AGRN: variants seen among roughly 807,000 people sequenced by gnomAD.
AGRN encodes the protein agrin proteoglycan.
Under a neutral mutation model 211.0 loss-of-function variants are expected in AGRN, and 106 were observed. That is an observed-to-expected ratio of 0.50 (90% CI 0.43 to 0.59). The LOEUF (loss-of-function observed/expected upper bound fraction) is 0.59. Among genes scored for constraint, AGRN ranks in the 20% least tolerant of loss-of-function variants. AGRN has a pLI of 0.00. For synonymous variants in AGRN, 1,525 were observed against 1,332.5 expected (o/e 1.14, Z -3.15); for missense variants, 3,040 against 2,982.6 (o/e 1.02, Z -0.45).
intron 2 of AGRN, among the ~76,000 whole-genome samples, chr1:1,033,684 G>GC (rs1644727193): frequency 1.4e-5 from 1 of 72,888 alleles, no homozygotes; most frequent in African/African-American, 5.4e-5. Flanking sequence ...CAGCCTCAGC[G>GC]CCCCCAGGCC....
At chr1:1,035,909 C>T (rs540694406) in intron 3 of AGRN, among the ~76,000 whole-genome samples, 1 of 152,202 alleles carries the variant, frequency 6.6e-6, no homozygotes, top group African/African-American at 2.4e-5. Flanking sequence ...CCTGTCCTCC[C>T]CGGGGTGCTC....
In AGRN at chr1:1,037,482, C is replaced by T. The variant is rs576447828; in HGVS notation, c.511+2158C>T. 2.6e-5 allele frequency among the ~76,000 whole-genome samples: 4 copies of T among 152,318 alleles called. No homozygotes were observed. The East Asian group carries it at 5.8e-4, about 22-fold the overall frequency. ...GGCATCCTCTCCATCCCCCAGCCTA[C>T]CCAGGACCAGGAAGGGAGTTAAATA... On this transcript the variant is annotated intron_variant, in intron 3 of 35. Coordinates refer to ENST00000379370, the MANE Select transcript of AGRN (RefSeq NM_198576.4).
In AGRN at chr1:1,051,964, C is replaced by T. The variant is rs754294116; in HGVS notation, c.5651+149C>T. On this transcript the variant is annotated intron_variant, in intron 33 of 35. Coordinates refer to ENST00000379370, the MANE Select transcript of AGRN (RefSeq NM_198576.4). ...CTCTCTCACCTCCCGGTCCTCCCGC[C>T]TCTCACTGTCTGTCTCTTTGTTTCC... 1.2e-4 allele frequency: 191 copies of T among 1,547,564 alleles called. No homozygotes were observed. The Middle Eastern group carries it at 2.0e-3, about 16-fold the overall frequency.
chr1:1,023,247 G>A (rs778675605), intron 2 of AGRN, among the ~76,000 whole-genome samples: 3 of 152,180 alleles, frequency 2.0e-5, no homozygotes, highest in South Asian at 2.1e-4. Flanking sequence ...TCCGTTGGCC[G>A]GCAGGAAACT....
chr1:1,053,059 G>A lies in AGRN; in HGVS notation c.5652-694G>A, dbSNP rs1359863581. On this transcript the variant is annotated intron_variant, in intron 33 of 35. Coordinates refer to ENST00000379370, the MANE Select transcript of AGRN (RefSeq NM_198576.4). ...GAGGGGTGTGTGTGTCCGTGTGTAG[G>A]TTTGCGTGCATGCACACATGCATGT... is the stretch of plus-strand genomic sequence containing the variant. 6 of 204,266 alleles carry A rather than the reference G, an allele frequency of 2.9e-5. No homozygotes were observed. In the South Asian group the frequency reaches 3.8e-4, roughly 13 times the overall value. The allele number at this position is 204,266 out of a possible 1,614,324, so 12.7% of individuals were successfully genotyped here.
chr1:1,051,663 C>T lies in AGRN; in HGVS notation c.5563+18C>T. ...CGAGAAGGGTGAGCCTGGCACAGGG[C>T]AGGGGGCGGAGGCCGGATGGGCCCG... is the stretch of plus-strand genomic sequence containing the variant. On this transcript the variant is annotated intron_variant, in intron 32 of 35. Transcript: ENST00000379370. The T allele has an allele frequency of 6.2e-7, 1 of 1,612,738 alleles. No individual in the cohort carries two copies. The highest frequency in any genetic ancestry group is 8.5e-7 in the Non-Finnish European group (1 of 1,179,844).
At chr1:1,022,489 G>A in intron 2 of AGRN, 27 bp downstream of exon 2, 2 of 1,587,250 alleles carry the variant, frequency 1.3e-6, no homozygotes, top group Admixed American at 1.7e-5. Flanking sequence ...TCGTGTGGGG[G>A]CCTGTGGGGG....
At position 1,051,380 on chromosome 1, in the gene AGRN, G is replaced by A. The variant is rs373058941; in HGVS notation, c.5370+11G>A. The A allele has an allele frequency of 1.4e-3, 2,237 of 1,557,644 alleles. 3 individuals carry two copies. Among genetic ancestry groups the A allele is most frequent in the Non-Finnish European group, 1.8e-3 (2,057 of 1,153,018 alleles). On this transcript the variant is annotated intron_variant, in intron 31 of 35. Transcript: ENST00000379370. ...GGTGCCATCCAGCTGGTATGTGGGGGCGGGGCGTCCCAGCAGGGCCTCCGG... is the reference window on the plus strand; with the variant it reads ...GGTGCCATCCAGCTGGTATGTGGGGACGGGGCGTCCCAGCAGGGCCTCCGG...
At chr1:1,047,728 T>TG (rs1356351416) in intron 21 of AGRN, 41 bp downstream of exon 21, 1 of 1,612,318 alleles carries the variant, frequency 6.2e-7, no homozygotes, top group African/African-American at 1.3e-5. Flanking sequence ...AGGCAATGGG[T>TG]GGGGGATGCC....
In AGRN at chr1:1,045,352, C is replaced by T. The variant is rs1384767916; in HGVS notation, c.2372-7C>T. On this transcript the variant is annotated splice_region_variant and splice_polypyrimidine_tract_variant and intron_variant, in intron 13 of 35. Transcript: ENST00000379370. The stretch of plus-strand genomic sequence containing the variant: ...CCACGTGACCTTGTCCTGCCCTGGC[C>T]TTTCAGGTGCCTGCCAGTGCAACCC... 4.3e-6 allele frequency: 7 copies of T among 1,611,792 alleles called. 1 individual carries two copies. The highest frequency in any genetic ancestry group is 1.3e-5 in the African/African-American group (1 of 75,064).
chr1:1,048,188 C>A lies in AGRN; in HGVS notation c.3928C>A (p.Pro1310Thr), dbSNP rs759035613. ...KTTAAPTTRR[P>T]PTTAPSRVPG... ...CACGGCAGCCCCCACCACACGTCGG[C>A]CCCCCACCACTGCCCCCAGCCGTGT... The change falls in exon 23 of 36, where the codon CCC becomes ACC. Residue 1310 changes from proline (P) to threonine (T), a missense_variant. By Grantham distance (38) the Pro-to-Thr change is conservative. Coordinates refer to ENST00000379370, the MANE Select transcript of AGRN (RefSeq NM_198576.4). The surrounding 1 kb of genome is among the most constrained non-coding windows in gnomAD (Gnocchi z 5.9). 1.9e-6 allele frequency: 3 copies of A among 1,567,516 alleles called. No homozygotes were observed. The highest frequency in any genetic ancestry group is 2.6e-6 in the Non-Finnish European group (3 of 1,160,464).
chr1:1,043,425 G>A lies in AGRN; in HGVS notation c.1571G>A (p.Arg524Gln), dbSNP rs759469134. The change falls in exon 8 of 36, where the codon CGG becomes CAG. Residue 524 changes from arginine (R) to glutamine (Q), a missense_variant. This residue lies in a region of AGRN where 1,498 missense variants were observed against 1,457.8 expected (regional missense o/e 1.03). Transcript: ENST00000379370. The stretch of plus-strand genomic sequence containing the variant: ...GAGGCCACGGCCTGTACCCTCGGGC[G>A]GGAGATCCAGGTGGCGCGCAAAGGA... The part of the protein sequence containing the change: ...ELEATACTLG[R>Q]EIQVARKGPC... 15 of 1,607,074 alleles carry A rather than the reference G, an allele frequency of 9.3e-6. No homozygotes were observed. The highest frequency in any genetic ancestry group is 3.3e-5 in the South Asian group (3 of 90,618).
chr1:1,043,502 G>A (rs756633621), intron 8 of AGRN, 36 bp from the exon 9 acceptor site: 2 of 1,602,050 alleles, frequency 1.2e-6, no homozygotes, highest in South Asian at 1.1e-5. Context: ...GGAGAGAGAG[G>A]TTCCTGGTCG....
chr1:1,035,381 G>T, intron 3 of AGRN, 57 bp downstream of exon 3: 1 of 1,599,842 alleles, frequency 6.3e-7, no homozygotes, highest in Non-Finnish European at 8.6e-7. Context: ...TGGGAGTCAG[G>T]GGCCATTTGG....
At position 1,053,656 on chromosome 1, in the gene AGRN, T is replaced by C. The variant is rs376491084; in HGVS notation, c.5652-97T>C. 5.7e-5 allele frequency: 86 copies of C among 1,495,846 alleles called. No individual in the cohort carries two copies. In the East Asian group the frequency reaches 1.7e-3, roughly 30 times the overall value. The allele number at this position is 1,495,846 out of a possible 1,614,324, so 92.7% of individuals were successfully genotyped here. On this transcript the variant is annotated intron_variant, in intron 33 of 35. Coordinates refer to ENST00000379370, the MANE Select transcript of AGRN (RefSeq NM_198576.4). ...CCACCCCTGGGTCCCGTCACAGCCC[T>C]TGTGGCCTCCGCAGCTGGGGCCCTT... is the stretch of plus-strand genomic sequence containing the variant.
At chr1:1,024,837 G>T (rs1363892076) in intron 2 of AGRN, among the ~76,000 whole-genome samples, 3 of 152,208 alleles carry the variant, frequency 2.0e-5, no homozygotes, top group Non-Finnish European at 4.4e-5. Flanking sequence ...AGACAGGTAT[G>T]TGTCCCTCCC....
chr1:1,045,591 T>G, intron 14 of AGRN, 68 bp downstream of exon 14: 2 of 1,604,890 alleles, frequency 1.2e-6, no homozygotes, highest in South Asian at 1.1e-5. Flanking sequence ...ATCACTGTGC[T>G]TCTCCTCACC....
Position 1,042,099 on chromosome 1 carries a change from T to TGGCGGCAGCAGGCTGAGTGCC in AGRN, c.1325_1345dup (p.Arg442_Arg448dup). On this transcript the variant is annotated inframe_insertion, in exon 7 of 36. Coordinates refer to ENST00000379370, the MANE Select transcript of AGRN (RefSeq NM_198576.4). ...CGGGCGCACGTATGACAGTGATTGC[T>TGGCGGCAGCAGGCTGAGTGCC]GGCGGCAGCAGGCTGAGTGCCGGCA... The TGGCGGCAGCAGGCTGAGTGCC allele has an allele frequency of 6.2e-7, 1 of 1,603,460 alleles. No individual in the cohort carries two copies. The highest frequency in any genetic ancestry group is 8.5e-7 in the Non-Finnish European group (1 of 1,178,700).
chr1:1,047,775 G>A lies in AGRN; in HGVS notation c.3632-1G>A, dbSNP rs771677426. On this transcript the variant is annotated splice_acceptor_variant, in intron 21 of 35. Coordinates refer to ENST00000379370, the MANE Select transcript of AGRN (RefSeq NM_198576.4). LOFTEE classifies it high-confidence loss of function. ...CATGCTCAGAGCTCCCTCCTCCCCA[G>A]CCACAGCCTTCAGGGCACCCGACGT... is the stretch of plus-strand genomic sequence containing the variant. 3 of 1,608,610 alleles carry A rather than the reference G, an allele frequency of 1.9e-6. No homozygotes were observed.
Sources: allele counts gnomAD v4.1 joint callset (sites outside exome capture counted in the v4.1 genomes callset), GRCh38; gene constraint gnomAD v4.1.1; regional missense constraint gnomAD v4.1.1; non-coding constraint Gnocchi (gnomAD v3.1); transcripts MANE v1.5; gene names NCBI Gene and HGNC (gene_info 2026-07-23, HGNC 2026-07-21).